The following GPHN variants were observed in gnomAD, a reference collection of about 807,000 sequenced individuals.
GPHN encodes gephyrin.
GPHN carries 17 observed loss-of-function variants against 95.5 expected under a neutral mutation model. The observed-to-expected ratio is 0.18, with a 90% CI of 0.12 to 0.27. The LOEUF is 0.27. Ranked by LOEUF, GPHN falls within the 10% of genes least tolerant of loss-of-function variation. GPHN has a pLI of 1.00. For synonymous variants in GPHN, 320 were observed against 322.5 expected, an observed-to-expected ratio of 0.99 and a Z score of 0.08; for missense variants, 660 against 978.1, an observed-to-expected ratio of 0.67 and a Z score of 4.34.
At chr14:67,722,791 A>G in the GPHN span, 1 of 1,178,966 alleles carries the variant, frequency 8.5e-7, no homozygotes, top group Non-Finnish European at 1.3e-6. Flanking sequence ...GAAAGAAGAG[A>G]AAGGGAAGGA....
the GPHN span, among the ~76,000 whole-genome samples, chr14:67,722,907 G>A: frequency 6.6e-6 from 1 of 152,190 alleles, no homozygotes; most frequent in Admixed American, 6.5e-5. Context: ...GGCAGAGGTG[G>A]GGCTGAGTTC....
At chr14:66,886,108 A>G (rs111805775) in intron 5 of GPHN, among the ~76,000 whole-genome samples, 2,303 of 152,324 alleles carry the variant, frequency 0.015, 33 homozygotes, top group Non-Finnish European at 0.018. Context: ...AATGATGTGT[A>G]AGCAAAAGTA....
chr14:67,468,831 G>T, the GPHN span, among the ~76,000 whole-genome samples: 1 of 152,074 alleles, frequency 6.6e-6, no homozygotes, highest in South Asian at 2.1e-4. Flanking sequence ...GGAGGCGGAG[G>T]TTGCAGTGAG....
chr14:66,716,859 TG>T (rs2070231271), intron 2 of GPHN, among the ~76,000 whole-genome samples: 1 of 152,216 alleles, frequency 6.6e-6, no homozygotes, highest in Non-Finnish European at 1.5e-5. Context: ...CCTTCTAGCT[TG>T]TAGGGTTTCT....
chr14:67,187,015 G>A, the GPHN span, among the ~76,000 whole-genome samples: 2 of 152,132 alleles, frequency 1.3e-5, no homozygotes, highest in Non-Finnish European at 2.9e-5. Flanking sequence ...AGAATGCAAC[G>A]TCAGGAAGGA....
intron 1 of GPHN, among the ~76,000 whole-genome samples, chr14:66,530,012 G>A (rs1207146522): frequency 6.6e-6 from 1 of 152,178 alleles, no homozygotes; most frequent in South Asian, 2.1e-4. Context: ...GAGCTGGCAG[G>A]CAGGGACGTT....
At chr14:66,951,346 G>A (rs191721234) in intron 8 of GPHN, among the ~76,000 whole-genome samples, 11 of 151,860 alleles carry the variant, frequency 7.2e-5, no homozygotes, top group South Asian at 6.2e-4. Context: ...GTGAAACCCC[G>A]TCTCTACTAA....
intron 5 of GPHN, among the ~76,000 whole-genome samples, chr14:66,898,770 A>T (rs1789341160): frequency 1.3e-5 from 2 of 151,942 alleles, no homozygotes; most frequent in Non-Finnish European, 2.9e-5. Context: ...CTACAAAAAA[A>T]TTGCTCAGAT....
At chr14:66,784,780 G>C (rs767632268) in intron 3 of GPHN, among the ~76,000 whole-genome samples, 9 of 152,102 alleles carry the variant, frequency 5.9e-5, no homozygotes, top group Non-Finnish European at 1.2e-4. Context: ...AAGTGTTTAA[G>C]TGATTCACAA....
intron 1 of GPHN, among the ~76,000 whole-genome samples, chr14:66,551,947 A>G (rs2059827553): frequency 6.6e-6 from 1 of 152,164 alleles, no homozygotes. Context: ...TTGGGCAGGG[A>G]TACAAATCAA....
the GPHN span, among the ~76,000 whole-genome samples, chr14:67,341,115 G>A: frequency 7.9e-5 from 12 of 152,336 alleles, no homozygotes; most frequent in East Asian, 2.3e-3. Context: ...GAAGTGAGGA[G>A]CCTCTCTGCC....
At chr14:67,366,675 G>T in the GPHN span, among the ~76,000 whole-genome samples, 1 of 152,200 alleles carries the variant, frequency 6.6e-6, no homozygotes, top group Non-Finnish European at 1.5e-5. Flanking sequence ...CCTGTAGAGA[G>T]GATTCATTTT....
chr14:66,836,787 A>T lies in GPHN; in HGVS notation c.294+12221A>T, dbSNP rs1008074863. 4.6e-4 allele frequency among the ~76,000 whole-genome samples: 70 copies of T among 152,210 alleles called. 1 individual carries two copies. The highest frequency in any genetic ancestry group is 3.4e-3 in the Middle Eastern group (1 of 294). On this transcript the variant is annotated intron_variant, in intron 4 of 22. Transcript: ENST00000478722. ...CCCCATCAAAAAGAGGGCGAAGGACATGAACAGACACTTCTCAAAAGAAGA... is the reference window on the plus strand; with the variant it reads ...CCCCATCAAAAAGAGGGCGAAGGACTTGAACAGACACTTCTCAAAAGAAGA...
intron 1 of GPHN, among the ~76,000 whole-genome samples, chr14:66,537,881 G>A (rs1289785859): frequency 1.3e-5 from 2 of 152,288 alleles, no homozygotes; most frequent in East Asian, 3.9e-4. Context: ...AGGCTGGAGT[G>A]CAGTGGTGTG....
intron 6 of GPHN, among the ~76,000 whole-genome samples, chr14:66,919,175 A>G (rs1374311035): frequency 1.3e-5 from 2 of 152,220 alleles, no homozygotes; most frequent in Admixed American, 6.5e-5. Flanking sequence ...GATGGTAGTT[A>G]GAACTTTAGC....
chr14:67,604,777 CAT>C, the GPHN span, among the ~76,000 whole-genome samples: 7 of 151,992 alleles, frequency 4.6e-5, no homozygotes, highest in African/African-American at 1.7e-4. Flanking sequence ...TTTTACCTTT[CAT>C]ATTTAAGCCA....
chr14:67,313,241 T>G, the GPHN span, among the ~76,000 whole-genome samples: 1 of 152,180 alleles, frequency 6.6e-6, no homozygotes, highest in African/African-American at 2.4e-5. Context: ...GGGGACATGT[T>G]TCTGAGAGTT....
chr14:67,120,297 A>T (rs973569603), intron 16 of GPHN, among the ~76,000 whole-genome samples: 3 of 152,226 alleles, frequency 2.0e-5, no homozygotes, highest in Admixed American at 6.5e-5. Flanking sequence ...GATGACTGGA[A>T]GTATAACAGA....
At chr14:66,671,403 G>A (rs908300957) in intron 1 of GPHN, among the ~76,000 whole-genome samples, 11 of 152,260 alleles carry the variant, frequency 7.2e-5, no homozygotes, top group African/African-American at 2.2e-4. Context: ...TCTGCTGCCC[G>A]TTTGTCAGGA....
Sources: allele counts gnomAD v4.1 joint callset (sites outside exome capture counted in the v4.1 genomes callset), GRCh38; gene constraint gnomAD v4.1.1; transcripts MANE v1.5; gene names NCBI Gene and HGNC (gene_info 2026-07-23, HGNC 2026-07-21).